The following PRR5L variants were observed in gnomAD, a reference collection of about 807,000 sequenced individuals.
The protein encoded by PRR5L is proline-rich protein 5-like.
Under a neutral mutation model 36.4 loss-of-function variants are expected in PRR5L, and 21 were observed. That is an observed-to-expected ratio of 0.58 (90% confidence interval 0.41 to 0.83). PRR5L has a LOEUF of 0.83. Among genes scored for constraint, PRR5L ranks in the 40% least tolerant of loss-of-function variants. The pLI, the probability that PRR5L is intolerant of heterozygous loss-of-function variation, is 0.00. For synonymous variants in PRR5L, 188 were observed against 197.0 expected (o/e 0.95, Z 0.38); for missense variants, 381 against 473.3 (o/e 0.80, Z 1.81).
At chr11:36,356,479 G>A (rs554291968) in intron 1 of PRR5L, among the ~76,000 whole-genome samples, 2 of 152,182 alleles carry the variant, frequency 1.3e-5, no homozygotes, top group African/African-American at 4.8e-5. Context: ...ATTCTGCTTC[G>A]GTTTATTGCA....
In PRR5L at chr11:36,401,006, A is replaced by C; in HGVS notation, c.-116A>C. 1 of 1,473,226 alleles carries C rather than the reference A, an allele frequency of 6.8e-7. No homozygotes were observed. The highest frequency in any genetic ancestry group is 9.0e-7 in the Non-Finnish European group (1 of 1,111,154). The allele number at this position is 1,473,226 out of a possible 1,614,324, so 91.3% of individuals were successfully genotyped here. ...TTCCCTCTCTTTTCAGGTGTTGGCT[A>C]CGTTTGTGGTTTTAAGAAAGCCTGA... On this transcript the variant is annotated 5_prime_UTR_variant, in exon 2 of 9. Transcript: ENST00000530639.
intron 1 of PRR5L, among the ~76,000 whole-genome samples, chr11:36,392,961 G>T (rs1164185715): frequency 2.6e-5 from 4 of 152,156 alleles, no homozygotes; most frequent in Non-Finnish European, 5.9e-5. Flanking sequence ...ATACCTGTTT[G>T]CCATTTGTAG....
intron 1 of PRR5L, among the ~76,000 whole-genome samples, chr11:36,350,571 C>T (rs1056148135): frequency 6.6e-6 from 1 of 151,732 alleles, no homozygotes; most frequent in Admixed American, 6.6e-5. Flanking sequence ...TTTTGGGGAA[C>T]AGGTCGTGTT....
At chr11:36,447,368 G>A (rs1858851855) in intron 7 of PRR5L, among the ~76,000 whole-genome samples, 1 of 152,184 alleles carries the variant, frequency 6.6e-6, no homozygotes, top group South Asian at 2.1e-4. Flanking sequence ...GGTCCAGCTT[G>A]GGCTAGATGA....
intron 1 of PRR5L, among the ~76,000 whole-genome samples, chr11:36,399,641 G>T (rs1857747806): frequency 6.6e-6 from 1 of 152,236 alleles, no homozygotes; most frequent in Admixed American, 6.5e-5. Flanking sequence ...TGGTGAGAGA[G>T]ATGGCAGTGA....
chr11:36,314,943 T>C (rs12293053), intron 1 of PRR5L, among the ~76,000 whole-genome samples: 129,948 of 152,246 alleles, frequency 0.85, 55,690 homozygotes, highest in East Asian at 0.98. Context: ...GAAATCATGA[T>C]TGCAAAACAT....
chr11:36,403,509 A>G, intron 3 of PRR5L, 131 bp downstream of exon 3: 3 of 636,262 alleles, frequency 4.7e-6, no homozygotes, highest in Admixed American at 3.0e-5. Flanking sequence ...TTCTTCTGTC[A>G]GCTATGCTGC....
intron 3 of PRR5L, among the ~76,000 whole-genome samples, chr11:36,415,937 G>A (rs533191026): frequency 6.6e-6 from 1 of 152,284 alleles, no homozygotes; most frequent in South Asian, 2.1e-4. Context: ...AAACTAAAAT[G>A]TGTATTCTTA....
intron 8 of PRR5L, among the ~76,000 whole-genome samples, chr11:36,453,003 T>C (rs1858974810): frequency 6.6e-6 from 1 of 152,182 alleles, no homozygotes; most frequent in Admixed American, 6.5e-5. Flanking sequence ...AGAGAAGTGA[T>C]AAGGCAAAGA....
At chr11:36,313,337 C>T (rs1422632623) in intron 1 of PRR5L, among the ~76,000 whole-genome samples, 1 of 152,196 alleles carries the variant, frequency 6.6e-6, no homozygotes, top group African/African-American at 2.4e-5. Context: ...GATTTCCTAA[C>T]CCTTTATATT....
At chr11:36,404,036 A>G (rs962913714) in intron 3 of PRR5L, among the ~76,000 whole-genome samples, 2 of 152,184 alleles carry the variant, frequency 1.3e-5, no homozygotes, top group Non-Finnish European at 2.9e-5. Flanking sequence ...GATCTGAAAC[A>G]TCCATGGAAA....
At position 36,365,814 on chromosome 11, in the gene PRR5L, A is replaced by G. The variant is rs533636748; in HGVS notation, c.-125-35183A>G. 2.0e-5 allele frequency among the ~76,000 whole-genome samples: 3 copies of G among 152,304 alleles called. No individual in the cohort carries two copies. The South Asian group carries it at 6.2e-4, about 32-fold the overall frequency. ...ATGGGCCAGTCTGTGTTATTGTCAG[A>G]CTAGAACTGCCCACCAGTTAACGCT... On this transcript the variant is annotated intron_variant, in intron 1 of 8. Transcript: ENST00000530639.
chr11:36,309,678 C>T (rs529850054), intron 1 of PRR5L, among the ~76,000 whole-genome samples: 1 of 86 alleles, frequency 0.012, no homozygotes, highest in African/African-American at 0.031. Context: ...TATATGATTT[C>T]AAAGTCTCCA....
intron 1 of PRR5L, among the ~76,000 whole-genome samples, chr11:36,379,018 A>G (rs778465069): frequency 5.3e-5 from 8 of 152,072 alleles, no homozygotes; most frequent in Non-Finnish European, 1.2e-4. Flanking sequence ...CTTTTTATTT[A>G]TTTTCAAAAT....
intron 5 of PRR5L, among the ~76,000 whole-genome samples, chr11:36,436,057 CCT>C (rs1415619461): frequency 2.0e-5 from 3 of 152,286 alleles, no homozygotes; most frequent in Admixed American, 2.0e-4. Flanking sequence ...GCATTTTCCC[CCT>C]GTGAATTTCA....
At chr11:36,451,378 A>T in intron 8 of PRR5L, 43 bp downstream of exon 8, 1 of 1,610,518 alleles carries the variant, frequency 6.2e-7, no homozygotes, top group Non-Finnish European at 8.5e-7. Flanking sequence ...CCCAGTGATC[A>T]TGATACCAGC....
chr11:36,358,162 TA>T (rs1857048481), intron 1 of PRR5L, among the ~76,000 whole-genome samples: 1 of 152,218 alleles, frequency 6.6e-6, no homozygotes, highest in Admixed American at 6.5e-5. Context: ...GAATATTACA[TA>T]AATTTAGTTG....
chr11:36,345,573 C>T lies in PRR5L; in HGVS notation c.-126+49135C>T, dbSNP rs2133483782. Among the ~76,000 whole-genome samples the T allele has an allele frequency of 2.6e-5, 4 of 152,258 alleles. No individual in the cohort carries two copies. In the Middle Eastern group the frequency reaches 0.01, roughly 388 times the overall value. The stretch of plus-strand genomic sequence containing the variant: ...ATAGCTTTCAGGAGTCTGTGATCCC[C>T]AAAAGATTAGAAACAAGTGACCTGT... On this transcript the variant is annotated intron_variant, in intron 1 of 8. Transcript: ENST00000530639.
At chr11:36,312,199 T>A (rs1856510858) in intron 1 of PRR5L, among the ~76,000 whole-genome samples, 1 of 152,058 alleles carries the variant, frequency 6.6e-6, no homozygotes, top group Non-Finnish European at 1.5e-5. Context: ...TACCTAGACA[T>A]GTAGAGAAAG....
Sources: gnomAD v4.1 joint callset for allele counts (sites outside exome capture counted in the v4.1 genomes callset) on GRCh38, gnomAD v4.1.1 for gene constraint, MANE v1.5 for transcripts, NCBI Gene and HGNC (gene_info 2026-07-23, HGNC 2026-07-21) for gene names.